The following NXPH1 variants were observed in gnomAD, a reference collection of about 807,000 sequenced individuals.
The protein encoded by NXPH1 is neurexophilin 1, also known as neurexophilin-1.
In NXPH1, 5 loss-of-function variants were observed where a neutral mutation model predicts 23.7. The observed-to-expected ratio is 0.21, with a 90% confidence interval of 0.11 to 0.44. The LOEUF (loss-of-function observed/expected upper bound fraction) is 0.44, where lower values mean the gene tolerates loss of function less well. Ranked by LOEUF, NXPH1 falls within the 20% of genes least tolerant of loss-of-function variation. NXPH1 has a pLI of 0.99. For missense variants in NXPH1, 324 were observed against 321.6 expected, an observed-to-expected ratio of 1.01 and a Z score of -0.06; for synonymous variants, 144 against 122.2, an observed-to-expected ratio of 1.18 and a Z score of -1.18.
intron 2 of NXPH1, among the ~76,000 whole-genome samples, chr7:8,636,851 G>A (rs937372623): frequency 6.6e-6 from 1 of 151,142 alleles, no homozygotes; most frequent in Non-Finnish European, 1.5e-5. Flanking sequence ...ATGAAGATTT[G>A]TATTGGATTT....
chr7:8,538,289 T>G (rs1039831307), intron 2 of NXPH1, among the ~76,000 whole-genome samples: 8 of 151,948 alleles, frequency 5.3e-5, no homozygotes, highest in Admixed American at 3.3e-4. Flanking sequence ...AAGCCATTCA[T>G]TTTTCTTCTA....
intron 2 of NXPH1, among the ~76,000 whole-genome samples, chr7:8,492,950 C>G (rs1002208616): frequency 6.6e-6 from 1 of 151,990 alleles, no homozygotes; most frequent in Non-Finnish European, 1.5e-5. Flanking sequence ...AAGGCCTTTT[C>G]TTTTGACTCT....
chr7:8,663,553 T>C (rs1407396780), intron 2 of NXPH1, among the ~76,000 whole-genome samples: 2 of 152,128 alleles, frequency 1.3e-5, no homozygotes, highest in Admixed American at 6.6e-5. Flanking sequence ...TTCCAGATAA[T>C]ACTGTTTTAA....
At chr7:8,564,029 C>T (rs1322249836) in intron 2 of NXPH1, among the ~76,000 whole-genome samples, 1 of 151,812 alleles carries the variant, frequency 6.6e-6, no homozygotes, top group Non-Finnish European at 1.5e-5. Context: ...ATGCCTCTCT[C>T]AGTTCCATTG....
At chr7:8,725,778 A>T (rs1268368001) in intron 2 of NXPH1, among the ~76,000 whole-genome samples, 1 of 151,558 alleles carries the variant, frequency 6.6e-6, no homozygotes, top group Admixed American at 6.6e-5. Context: ...GAGTGTGGAG[A>T]GGCTCTATTT....
intron 2 of NXPH1, among the ~76,000 whole-genome samples, chr7:8,676,222 G>A (rs1164818878): frequency 6.6e-6 from 1 of 152,162 alleles, no homozygotes; most frequent in East Asian, 1.9e-4. Context: ...TCTAAGATGT[G>A]TGTTATCCTA....
chr7:8,732,295 C>G (rs1583251521), intron 2 of NXPH1, among the ~76,000 whole-genome samples: 1 of 152,350 alleles, frequency 6.6e-6, no homozygotes, highest in South Asian at 2.1e-4. Flanking sequence ...CAGAAATCAC[C>G]TGTCTTCTGT....
At chr7:8,653,361 T>C (rs1820520865) in intron 2 of NXPH1, among the ~76,000 whole-genome samples, 1 of 152,228 alleles carries the variant, frequency 6.6e-6, no homozygotes, top group Non-Finnish European at 1.5e-5. Flanking sequence ...CTTTTTACTC[T>C]TGCGTTGTCC....
intron 2 of NXPH1, among the ~76,000 whole-genome samples, chr7:8,724,791 C>A (rs1780022260): frequency 6.6e-6 from 1 of 152,164 alleles, no homozygotes; most frequent in South Asian, 2.1e-4. Flanking sequence ...GAATCTAAAT[C>A]CAGAGGCCAT....
At chr7:8,694,102 T>G (rs1276344691) in intron 2 of NXPH1, among the ~76,000 whole-genome samples, 1 of 152,238 alleles carries the variant, frequency 6.6e-6, no homozygotes, top group Non-Finnish European at 1.5e-5. Context: ...AAGCCCTGAT[T>G]GATTAGGACA....
intron 2 of NXPH1, among the ~76,000 whole-genome samples, chr7:8,512,997 C>G (rs141583868): frequency 6.6e-6 from 1 of 152,168 alleles, no homozygotes; most frequent in East Asian, 1.9e-4. Flanking sequence ...TATACAGTAT[C>G]GACCCTCAGT....
chr7:8,524,241 CAA>C (rs34744233), intron 2 of NXPH1, among the ~76,000 whole-genome samples: 1,255 of 73,560 alleles, frequency 0.017, 10 homozygotes, highest in Non-Finnish European at 0.024. Context: ...GACTCTGTCT[CAA>C]AAAAAAAAAA....
chr7:8,497,324 G>A (rs190071340), intron 2 of NXPH1, among the ~76,000 whole-genome samples: 78 of 152,210 alleles, frequency 5.1e-4, no homozygotes, highest in African/African-American at 1.8e-3. Flanking sequence ...ATAAACATAC[G>A]TGTACATGTG....
chr7:8,568,567 T>C (rs1385824100), intron 2 of NXPH1, among the ~76,000 whole-genome samples: 30 of 150,338 alleles, frequency 2.0e-4, no homozygotes, highest in Non-Finnish European at 4.4e-4. Context: ...TGTGCAAATC[T>C]CCAAACTTGA....
At chr7:8,599,467 A>G (rs1819304702) in intron 2 of NXPH1, among the ~76,000 whole-genome samples, 1 of 152,098 alleles carries the variant, frequency 6.6e-6, no homozygotes, top group South Asian at 2.1e-4. Flanking sequence ...GTACAATAGT[A>G]TTCAATTTTC....
At chr7:8,600,669 C>T (rs909756873) in intron 2 of NXPH1, among the ~76,000 whole-genome samples, 10 of 152,138 alleles carry the variant, frequency 6.6e-5, no homozygotes, top group Admixed American at 5.2e-4. Context: ...AGCCACTTGC[C>T]TTCATTGAAC....
intron 2 of NXPH1, among the ~76,000 whole-genome samples, chr7:8,685,818 G>A (rs113214663): frequency 6.9e-5 from 9 of 131,254 alleles, no homozygotes; most frequent in African/African-American, 2.6e-4. Flanking sequence ...ATGGTTAATA[G>A]GTTAAAAAAA....
rs1817729367 is a variant in NXPH1 at position 8,519,022 on chromosome 7, G to C, written c.54+83255G>C. ...ATCTTTATGTAAAGCATGTAGCAGA[G>C]TGCTTGGCATGGGTAGGCTATTGTT... On this transcript the variant is annotated intron_variant, in intron 2 of 2. Coordinates refer to ENST00000405863, the MANE Select transcript of NXPH1 (RefSeq NM_152745.3). 1.3e-5 allele frequency among the ~76,000 whole-genome samples: 2 copies of C among 152,160 alleles called. 1 individual carries two copies. The highest frequency in any genetic ancestry group is 4.1e-4 in the South Asian group (2 of 4,826).
chr7:8,493,558 A>G (rs928711352), intron 2 of NXPH1, among the ~76,000 whole-genome samples: 4 of 152,106 alleles, frequency 2.6e-5, no homozygotes, highest in African/African-American at 9.7e-5. Flanking sequence ...ACTGGAGAGT[A>G]GTATTAAACT....
Sources: allele counts gnomAD v4.1 joint callset (sites outside exome capture counted in the v4.1 genomes callset), GRCh38; gene constraint gnomAD v4.1.1; transcripts MANE v1.5; gene names NCBI Gene and HGNC (gene_info 2026-07-23, HGNC 2026-07-21).